The following LINGO2 variants were observed in gnomAD, a reference collection of about 807,000 sequenced individuals.
LINGO2 encodes leucine rich repeat and Ig domain containing 2, also known as leucine-rich repeat and immunoglobulin-like domain-containing nogo receptor-interacting protein 2.
A neutral mutation model predicts 30.6 loss-of-function variants in LINGO2; 14 were observed. The observed-to-expected ratio is 0.46, with a 90% confidence interval of 0.30 to 0.72. LINGO2 has a LOEUF of 0.72. Among genes scored for constraint, LINGO2 ranks in the 30% least tolerant of loss-of-function variants. LINGO2 has a pLI of 0.07. For missense variants in LINGO2, 729 were observed against 751.7 expected (o/e 0.97, Z 0.35); for synonymous variants, 317 against 288.5 (o/e 1.10, Z -1.00).
intron 4 of LINGO2, among the ~76,000 whole-genome samples, chr9:28,083,369 C>A (rs139141724): frequency 1.4e-4 from 21 of 152,220 alleles, no homozygotes; most frequent in African/African-American, 4.8e-4. Flanking sequence ...TGGTGAGAAC[C>A]TTCTTCAATA....
intron 4 of LINGO2, among the ~76,000 whole-genome samples, chr9:28,067,522 C>A (rs1323253153): frequency 1.3e-5 from 2 of 152,062 alleles, no homozygotes; most frequent in African/African-American, 4.8e-5. Flanking sequence ...CCTAGTTGTG[C>A]CTTTGGCAAG....
intron 4 of LINGO2, among the ~76,000 whole-genome samples, chr9:28,172,042 A>AAAAC (rs1828612143): frequency 7.0e-6 from 1 of 143,814 alleles, no homozygotes; most frequent in Non-Finnish European, 1.5e-5. Context: ...AACAAAAAAA[A>AAAAC]AAACCCAGCA....
intron 1 of LINGO2, among the ~76,000 whole-genome samples, chr9:28,603,376 G>A (rs191274974): frequency 1.2e-3 from 184 of 152,054 alleles, no homozygotes; most frequent in Admixed American, 6.3e-3. Context: ...AAATATTTTT[G>A]ATTGAATGGA....
chr9:28,665,817 G>A (rs1369738715), intron 1 of LINGO2, among the ~76,000 whole-genome samples: 1 of 151,448 alleles, frequency 6.6e-6, no homozygotes, highest in Non-Finnish European at 1.5e-5. Flanking sequence ...CTACATTGAT[G>A]ATCAATATTG....
At chr9:28,827,435 G>A in the LINGO2 span, among the ~76,000 whole-genome samples, 1 of 152,146 alleles carries the variant, frequency 6.6e-6, no homozygotes, top group Admixed American at 6.5e-5. Flanking sequence ...TAAAACTTAA[G>A]CAAGTTATTT....
the LINGO2 span, among the ~76,000 whole-genome samples, chr9:28,861,622 G>T: frequency 6.6e-6 from 1 of 151,550 alleles, no homozygotes; most frequent in African/African-American, 2.4e-5. Context: ...TAAATTAGCT[G>T]GGCATGGTGG....
At chr9:28,023,530 T>C (rs1563920784) in intron 4 of LINGO2, among the ~76,000 whole-genome samples, 1 of 152,194 alleles carries the variant, frequency 6.6e-6, no homozygotes, top group Non-Finnish European at 1.5e-5. Flanking sequence ...TATGAACCAA[T>C]CTCAGTCTTT....
At chr9:28,226,655 G>GAAAC (rs997375265) in intron 4 of LINGO2, among the ~76,000 whole-genome samples, 1 of 58,256 alleles carries the variant, frequency 1.7e-5, no homozygotes, top group African/African-American at 8.5e-5. Context: ...AAGAAAGAAA[G>GAAAC]AAAGAAAGAA....
chr9:28,433,947 CTCTATA>C (rs1189586390), intron 2 of LINGO2, among the ~76,000 whole-genome samples: 674 of 61,098 alleles, frequency 0.011, 9 homozygotes, highest in East Asian at 0.019. Context: ...CTCTCTCTCT[CTCTATA>C]TATATATATA....
the LINGO2 span, among the ~76,000 whole-genome samples, chr9:28,685,702 C>T: frequency 6.6e-6 from 1 of 152,082 alleles, no homozygotes; most frequent in South Asian, 2.1e-4. Context: ...GTAAAATTGT[C>T]ATTTTCTACT....
chr9:28,200,857 A>C (rs921612540), intron 4 of LINGO2, among the ~76,000 whole-genome samples: 12 of 152,236 alleles, frequency 7.9e-5, no homozygotes, highest in Non-Finnish European at 1.5e-4. Context: ...GGTTAAAAAC[A>C]GTGGATCCCT....
intron 4 of LINGO2, among the ~76,000 whole-genome samples, chr9:28,245,583 A>G (rs1179268533): frequency 6.6e-6 from 1 of 152,174 alleles, no homozygotes; most frequent in Non-Finnish European, 1.5e-5. Flanking sequence ...CTGATAAGCA[A>G]TGTCAGCAAA....
chr9:28,854,523 C>T, the LINGO2 span, among the ~76,000 whole-genome samples: 1 of 151,864 alleles, frequency 6.6e-6, no homozygotes, highest in South Asian at 2.1e-4. Context: ...AATGGAATCT[C>T]CACAGAGTTG....
chr9:28,214,286 C>T (rs1820691620), intron 4 of LINGO2, among the ~76,000 whole-genome samples: 1 of 151,568 alleles, frequency 6.6e-6, no homozygotes, highest in Non-Finnish European at 1.5e-5. Flanking sequence ...AAAGAGACAG[C>T]TGATAATAGT....
chr9:28,215,166 C>T (rs1820721385), intron 4 of LINGO2, among the ~76,000 whole-genome samples: 1 of 151,552 alleles, frequency 6.6e-6, no homozygotes, highest in South Asian at 2.1e-4. Context: ...CCCTCAAAAG[C>T]CAGAAAATAA....
intron 4 of LINGO2, among the ~76,000 whole-genome samples, chr9:28,014,709 G>T (rs919410344): frequency 2.6e-5 from 4 of 152,110 alleles, no homozygotes; most frequent in South Asian, 4.1e-4. Flanking sequence ...TAGAAGTTGA[G>T]TTGTTGAGCC....
intron 4 of LINGO2, among the ~76,000 whole-genome samples, chr9:28,045,318 G>GC: frequency 6.6e-6 from 1 of 151,462 alleles, no homozygotes. Flanking sequence ...GTTAAACTTT[G>GC]AGTATTTTAT....
At chr9:27,997,963 A>AG (rs1324442903) in intron 5 of LINGO2, among the ~76,000 whole-genome samples, 6 of 97,040 alleles carry the variant, frequency 6.2e-5, no homozygotes, top group East Asian at 3.4e-4. Context: ...TTGGGGTGGG[A>AG]GGGGGGGAGG....
At chr9:29,048,218 A>G in the LINGO2 span, among the ~76,000 whole-genome samples, 13 of 152,024 alleles carry the variant, frequency 8.6e-5, no homozygotes, top group Admixed American at 5.2e-4. Flanking sequence ...TCCATTTACA[A>G]TAGCCACACA....
Sources: allele counts gnomAD v4.1 joint callset (sites outside exome capture counted in the v4.1 genomes callset), GRCh38; gene constraint gnomAD v4.1.1; transcripts MANE v1.5; gene names NCBI Gene and HGNC (gene_info 2026-07-23, HGNC 2026-07-21).